Variants in RLIG1 observed in about 807,000 individuals in gnomAD.
The protein encoded by RLIG1 is RNA 5'-phosphate and 3'-OH ligase 1.
the RLIG1 span, chr12:88,035,600 G>C: frequency 1.2e-5 from 18 of 1,550,776 alleles, no homozygotes; most frequent in Non-Finnish European, 1.4e-5. Context: ...ACTGGACCGG[G>C]CGCCGCTCGA....
At chr12:88,045,822 T>C in the RLIG1 span, 1 of 1,499,294 alleles carries the variant, frequency 6.7e-7, no homozygotes, top group Non-Finnish European at 9.2e-7. Flanking sequence ...TAACTGACAT[T>C]TATAAAGAGA....
chr12:88,039,910 G>A, the RLIG1 span, among the ~76,000 whole-genome samples: 1 of 152,106 alleles, frequency 6.6e-6, no homozygotes, highest in Non-Finnish European at 1.5e-5. Flanking sequence ...GAACAAAGGT[G>A]GATAAAGAAA....
the RLIG1 span, chr12:88,035,632 T>A: frequency 6.3e-7 from 1 of 1,593,840 alleles, no homozygotes. Context: ...CCATTCGCAC[T>A]GCTTGTTGGG....
chr12:88,035,757 C>A, the RLIG1 span: 931 of 1,576,182 alleles, frequency 5.9e-4, 3 homozygotes, highest in African/African-American at 0.011. Context: ...GAGCGCCGGG[C>A]AGGCTTGGCG....
the RLIG1 span, chr12:88,042,480 G>A: frequency 3.5e-3 from 571 of 162,686 alleles, 6 homozygotes; most frequent in African/African-American, 0.013. Context: ...TATGTTTGGG[G>A]GGAAGGGGTG....
the RLIG1 span, chr12:88,045,501 C>T: frequency 1.9e-6 from 2 of 1,025,818 alleles, no homozygotes; most frequent in Admixed American, 2.9e-5. Context: ...GAGAAATTTA[C>T]AACAAAAATA....
At chr12:88,035,711 G>C in the RLIG1 span, 1 of 1,605,706 alleles carries the variant, frequency 6.2e-7, no homozygotes, top group African/African-American at 1.3e-5. Flanking sequence ...AGGTGAAAGA[G>C]GAGCCTTCCT....
chr12:88,046,320 G>A, the RLIG1 span, among the ~76,000 whole-genome samples: 1 of 152,168 alleles, frequency 6.6e-6, no homozygotes, highest in African/African-American at 2.4e-5. Flanking sequence ...ACTGCCAGGT[G>A]TAAAGAAGCT....
At chr12:88,048,613 G>A in the RLIG1 span, 1 of 408,920 alleles carries the variant, frequency 2.4e-6, no homozygotes, top group Middle Eastern at 7.0e-4. Context: ...TTAATCTCTA[G>A]CCATAAAAAC....
chr12:88,042,710 C>T, the RLIG1 span: 1 of 577,564 alleles, frequency 1.7e-6, no homozygotes, highest in Non-Finnish European at 2.9e-6. Context: ...TCCATATTTC[C>T]CTTTGTCTTC....
At chr12:88,035,978 A>G in the RLIG1 span, 1 of 1,519,828 alleles carries the variant, frequency 6.6e-7, no homozygotes, top group South Asian at 1.2e-5. Context: ...TTATCAGGAG[A>G]TTCAAACTTG....
the RLIG1 span, chr12:88,035,597 C>G: frequency 6.5e-7 from 1 of 1,541,580 alleles, no homozygotes; most frequent in Non-Finnish European, 8.8e-7. Context: ...GCGACTGGAC[C>G]GGGCGCCGCT....
chr12:88,037,158 C>T, the RLIG1 span, among the ~76,000 whole-genome samples: 11 of 152,122 alleles, frequency 7.2e-5, no homozygotes, highest in Non-Finnish European at 1.2e-4. Context: ...CAACCACAAT[C>T]CTGTCTCATA....
chr12:88,049,534 A>T, the RLIG1 span: 7 of 630,536 alleles, frequency 1.1e-5, no homozygotes, highest in African/African-American at 1.3e-4. Context: ...AAATACAGCA[A>T]TAAAGGCAGA....
At chr12:88,036,006 A>G in the RLIG1 span, 8 of 1,497,172 alleles carry the variant, frequency 5.3e-6, no homozygotes, top group East Asian at 1.6e-4. Flanking sequence ...AAGGAAATGG[A>G]TAACTCACAT....
the RLIG1 span, chr12:88,035,994 G>T: frequency 4.0e-6 from 6 of 1,506,798 alleles, no homozygotes; most frequent in South Asian, 3.6e-5. Flanking sequence ...ACTTGTCCTC[G>T]CAAGGAAATG....
At chr12:88,040,041 G>A in the RLIG1 span, 1 of 708,814 alleles carries the variant, frequency 1.4e-6, no homozygotes, top group Admixed American at 2.5e-5. Context: ...ATGAACTGGA[G>A]ATCATTCCTT....
the RLIG1 span, chr12:88,043,954 T>C: frequency 2.0e-6 from 1 of 490,812 alleles, no homozygotes; most frequent in Non-Finnish European, 3.6e-6. Context: ...CTAGCTGTAG[T>C]CTGTGACAAT....
chr12:88,036,023 C>T, the RLIG1 span: 67 of 1,473,274 alleles, frequency 4.5e-5, no homozygotes, highest in Non-Finnish European at 6.0e-5. Context: ...ACATCCACAG[C>T]ATGTCCCTTC....
Sources: allele counts gnomAD v4.1 joint callset (sites outside exome capture counted in the v4.1 genomes callset), GRCh38; gene constraint gnomAD v4.1.1; transcripts MANE v1.5; gene names NCBI Gene and HGNC (gene_info 2026-07-23, HGNC 2026-07-21).